Variants in ST8SIA5 observed in about 807,000 individuals in gnomAD.
The protein encoded by ST8SIA5 is alpha-2,8-sialyltransferase 8E.
ST8SIA5 carries 24 observed loss-of-function variants against 40.2 expected under a neutral mutation model. The observed-to-expected ratio is 0.60, with a 90% CI of 0.43 to 0.84. The LOEUF is 0.84. ST8SIA5 is among the 40% of genes least tolerant of loss of function. The pLI is 0.00. For missense variants in ST8SIA5, 465 were observed against 498.5 expected, an observed-to-expected ratio of 0.93 and a Z score of 0.64; for synonymous variants, 198 against 201.8, an observed-to-expected ratio of 0.98 and a Z score of 0.16.
chr18:46,720,295 G>C (rs1247750760), intron 1 of ST8SIA5, among the ~76,000 whole-genome samples: 1 of 152,140 alleles, frequency 6.6e-6, no homozygotes, highest in African/African-American at 2.4e-5. Flanking sequence ...CCCAGGACAA[G>C]CATGGGCCCC....
At chr18:46,743,448 T>A (rs546301343) in intron 1 of ST8SIA5, among the ~76,000 whole-genome samples, 13 of 152,122 alleles carry the variant, frequency 8.5e-5, no homozygotes, top group African/African-American at 3.1e-4. Flanking sequence ...TTCGATCAAG[T>A]GGAAGAAAAG....
At chr18:46,699,262 TAATCTATAGACAGACTA>T (rs2039586770) in intron 2 of ST8SIA5, among the ~76,000 whole-genome samples, 1 of 152,198 alleles carries the variant, frequency 6.6e-6, no homozygotes, top group African/African-American at 2.4e-5. Context: ...ATTACTTAGG[TAATCTATAGACAGACTA>T]AAAATATTAA....
Position 46,686,012 on chromosome 18 carries a change from G to A in ST8SIA5, c.569+162C>T, listed in dbSNP as rs561511508. Reference sequence around the variant, plus strand: ...CTAGGAGTTCAACGACTTCCCCAAAGGGATGGGGCTGGAGAGAAGAAGGGA... The same window carrying A: ...CTAGGAGTTCAACGACTTCCCCAAAAGGATGGGGCTGGAGAGAAGAAGGGA... On this transcript the variant is annotated intron_variant, in intron 5 of 6. Coordinates refer to ENST00000315087, the MANE Select transcript of ST8SIA5 (RefSeq NM_013305.6). The A allele has an allele frequency of 5.0e-5, 33 of 662,448 alleles. No individual in the cohort carries two copies. The Admixed American group carries it at 7.7e-4, about 16-fold the overall frequency. The allele number at this position is 662,448 out of a possible 1,614,324, so 41.0% of individuals were successfully genotyped here. A position where few individuals can be genotyped will look rare whatever the true frequency, so the allele number is the denominator to read the frequency against.
At chr18:46,709,796 G>A (rs374512829) in intron 1 of ST8SIA5, among the ~76,000 whole-genome samples, 10 of 152,172 alleles carry the variant, frequency 6.6e-5, no homozygotes, top group South Asian at 4.1e-4. Context: ...GGGATGATGC[G>A]TTATTTTTTT....
rs925277145 is a variant in ST8SIA5, at chr18:46,679,830, G to T, written c.*212C>A. The stretch of plus-strand genomic sequence containing the variant: ...ACGCACTGGGCGGATGCACCGGTGG[G>T]GGCCAGGCCAGGAGGCTCAGCACAG... On this transcript the variant is annotated 3_prime_UTR_variant, in exon 7 of 7. Coordinates refer to ENST00000315087, the MANE Select transcript of ST8SIA5 (RefSeq NM_013305.6). 1.7e-6 allele frequency: 1 copy of T among 597,054 alleles called. No homozygotes were observed. Among genetic ancestry groups the T allele is most frequent in the African/African-American group, 1.9e-5 (1 of 53,910 alleles). 37.0% of individuals were successfully genotyped at this position (597,054 alleles called of 1,614,324 possible).
intron 1 of ST8SIA5, among the ~76,000 whole-genome samples, chr18:46,717,025 G>A (rs1239312895): frequency 4.6e-5 from 7 of 152,216 alleles, no homozygotes. Flanking sequence ...GGGGACTCCT[G>A]CCTCAGCTGT....
chr18:46,692,628 C>T (rs1434512944), intron 2 of ST8SIA5, among the ~76,000 whole-genome samples: 1 of 152,094 alleles, frequency 6.6e-6, no homozygotes, highest in Non-Finnish European at 1.5e-5. Context: ...GTTTCGAGCT[C>T]CTGACCTCAA....
intron 1 of ST8SIA5, among the ~76,000 whole-genome samples, chr18:46,750,193 T>G (rs2040183132): frequency 1.3e-5 from 2 of 152,204 alleles, no homozygotes; most frequent in South Asian, 4.1e-4. Context: ...CAAGGTTATT[T>G]GGTTTTCCTG....
rs773255154 is a variant in ST8SIA5, at chr18:46,680,005, G to C, written c.*37C>G. 1.9e-6 allele frequency: 3 copies of C among 1,567,408 alleles called. No individual in the cohort carries two copies. Among genetic ancestry groups the C allele is most frequent in the South Asian group, 2.4e-5 (2 of 82,816 alleles). ...TTCCACCAGGAGGGACAGCAGGAGAGGGGGCGCCGCTTGCCGGGCAGCCTG... is the reference window on the plus strand; with the variant it reads ...TTCCACCAGGAGGGACAGCAGGAGACGGGGCGCCGCTTGCCGGGCAGCCTG... On this transcript the variant is annotated 3_prime_UTR_variant, in exon 7 of 7. Coordinates refer to ENST00000315087, the MANE Select transcript of ST8SIA5 (RefSeq NM_013305.6).
chr18:46,700,423 G>C lies in ST8SIA5; in HGVS notation c.224+4149C>G, dbSNP rs549488940. 1.0e-3 allele frequency among the ~76,000 whole-genome samples: 159 copies of C among 152,288 alleles called. No homozygotes were observed. In the South Asian group the frequency reaches 0.019, roughly 18 times the overall value. On this transcript the variant is annotated intron_variant, in intron 2 of 6. Transcript: ENST00000315087. ...AGACTGAGGGTTGGACCCTCTATGA[G>C]TCCTCCTCATGGCACTGGGCTGGAG...
At chr18:46,734,468 T>C (rs1298665004) in intron 1 of ST8SIA5, among the ~76,000 whole-genome samples, 1 of 146,194 alleles carries the variant, frequency 6.8e-6, no homozygotes, top group African/African-American at 2.5e-5. Context: ...TGGGCAGAAA[T>C]TTCACTCTTC....
chr18:46,743,374 C>T (rs2040105856), intron 1 of ST8SIA5, among the ~76,000 whole-genome samples: 1 of 152,264 alleles, frequency 6.6e-6, no homozygotes, highest in South Asian at 2.1e-4. Context: ...CCTTAAATGA[C>T]CTGATGGAGC....
chr18:46,730,977 C>T (rs1292331376), intron 1 of ST8SIA5, among the ~76,000 whole-genome samples: 5 of 152,086 alleles, frequency 3.3e-5, no homozygotes, highest in Non-Finnish European at 7.4e-5. Context: ...CAACAACACC[C>T]TGCGTCTAAA....
Position 46,679,659 on chromosome 18 carries a change from G to T in ST8SIA5, c.*383C>A, listed in dbSNP as rs909789737. 1 of 273,538 alleles carries T rather than the reference G, an allele frequency of 3.7e-6. No homozygotes were observed. The highest frequency in any genetic ancestry group is 7.0e-6 in the Non-Finnish European group (1 of 142,434). 16.9% of individuals were successfully genotyped at this position (273,538 alleles called of 1,614,324 possible). On this transcript the variant is annotated 3_prime_UTR_variant, in exon 7 of 7. Coordinates refer to ENST00000315087, the MANE Select transcript of ST8SIA5 (RefSeq NM_013305.6). ...CACTCTCAATTCCATTCTCTGTAGG[G>T]TCTTCCTTCAGCTGCAACAAGGGCC...
At chr18:46,733,861 C>T (rs2040008609) in intron 1 of ST8SIA5, among the ~76,000 whole-genome samples, 1 of 152,156 alleles carries the variant, frequency 6.6e-6, no homozygotes, top group Non-Finnish European at 1.5e-5. Context: ...AAGAAAGGAA[C>T]ACTGCCTTTC....
chr18:46,717,301 T>C (rs1245721775), intron 1 of ST8SIA5, among the ~76,000 whole-genome samples: 4 of 152,036 alleles, frequency 2.6e-5, no homozygotes, highest in Non-Finnish European at 4.4e-5. Flanking sequence ...TCTAGTCAGT[T>C]AGCACAGGAG....
rs975485305 is a variant in ST8SIA5 at position 46,704,504 on chromosome 18, G to A, written c.224+68C>T. 5.1e-5 allele frequency: 68 copies of A among 1,345,804 alleles called. 1 individual carries two copies. In the African/African-American group the frequency reaches 7.2e-4, roughly 14 times the overall value. The allele number at this position is 1,345,804 out of a possible 1,614,324, so 83.4% of individuals were successfully genotyped here. A position where few individuals can be genotyped will look rare whatever the true frequency, so the allele number is the denominator to read the frequency against. On this transcript the variant is annotated intron_variant, in intron 2 of 6. Coordinates refer to ENST00000315087, the MANE Select transcript of ST8SIA5 (RefSeq NM_013305.6). ...TGTTTCCTTCCACCCTTGCCCCCAC[G>A]CACTCACCCCCAACCCCTGCCCCAC...
At chr18:46,743,074 C>T (rs911431120) in intron 1 of ST8SIA5, among the ~76,000 whole-genome samples, 2 of 152,120 alleles carry the variant, frequency 1.3e-5, no homozygotes, top group African/African-American at 2.4e-5. Context: ...CACCAACAAA[C>T]CAAAAGTAGA....
rs983229656 is a variant in ST8SIA5 at position 46,703,430 on chromosome 18, A to G, written c.224+1142T>C. On this transcript the variant is annotated intron_variant, in intron 2 of 6. Transcript: ENST00000315087. ...TCACATGCCTTATTTCGGCTAGTCT[A>G]CAGCAACCCTTAAAGGGTAGGTAAT... Among the ~76,000 whole-genome samples, 7 of 152,280 alleles carry G rather than the reference A, an allele frequency of 4.6e-5. No homozygotes were observed. The East Asian group carries it at 1.4e-3, about 29-fold the overall frequency.
Sources: allele counts gnomAD v4.1 joint callset (sites outside exome capture counted in the v4.1 genomes callset), GRCh38; gene constraint gnomAD v4.1.1; transcripts MANE v1.5; gene names NCBI Gene and HGNC (gene_info 2026-07-23, HGNC 2026-07-21).